TTC28: variants seen among roughly 807,000 people sequenced by gnomAD.
The protein encoded by TTC28 is tetratricopeptide repeat protein 28.
Under a neutral mutation model 198.0 loss-of-function variants are expected in TTC28, and 61 were observed. The observed-to-expected ratio is 0.31, with a 90% CI of 0.25 to 0.38. The LOEUF is 0.38. Among genes scored for constraint, TTC28 ranks in the 10% least tolerant of loss-of-function variants. The pLI is 1.00. For synonymous variants in TTC28, 1,171 were observed against 1,297.8 expected, an observed-to-expected ratio of 0.90 and a Z score of 2.10; for missense variants, 2,678 against 3,164.0, an observed-to-expected ratio of 0.85 and a Z score of 3.69.
At chr22:28,551,788 C>G (rs2049676819) in intron 2 of TTC28, among the ~76,000 whole-genome samples, 1 of 152,114 alleles carries the variant, frequency 6.6e-6, no homozygotes, top group South Asian at 2.1e-4. Context: ...ACAAAGAAAA[C>G]TTGAAAGCAT....
intron 5 of TTC28, among the ~76,000 whole-genome samples, chr22:28,185,892 G>A (rs1924149906): frequency 6.6e-6 from 1 of 152,070 alleles, no homozygotes; most frequent in Admixed American, 6.6e-5. Context: ...TTTAAATCCA[G>A]GCCTACCTGA....
intron 5 of TTC28, among the ~76,000 whole-genome samples, chr22:28,267,533 T>C (rs950814840): frequency 1.3e-5 from 2 of 152,204 alleles, no homozygotes; most frequent in African/African-American, 4.8e-5. Context: ...TTTGATCCTT[T>C]ACCTATGTCA....
At chr22:28,533,007 T>G (rs2049174612) in intron 2 of TTC28, among the ~76,000 whole-genome samples, 1 of 152,184 alleles carries the variant, frequency 6.6e-6, no homozygotes, top group African/African-American at 2.4e-5. Context: ...AAGACAGGGA[T>G]GCCCTCTCTC....
chr22:28,536,190 C>A (rs548902674), intron 2 of TTC28, among the ~76,000 whole-genome samples: 3 of 94,356 alleles, frequency 3.2e-5, no homozygotes, highest in South Asian at 8.4e-4. Context: ...CAGAGCGAGA[C>A]ACCGTCTCAA....
At chr22:28,589,882 A>G (rs1037427414) in intron 2 of TTC28, among the ~76,000 whole-genome samples, 1 of 151,788 alleles carries the variant, frequency 6.6e-6, no homozygotes, top group East Asian at 2.0e-4. Flanking sequence ...TACTAAAAAT[A>G]CAAAAATTAA....
chr22:28,107,694 T>C lies in TTC28; in HGVS notation c.2151A>G (p.Leu717=). ...LNNSQAKFRA[L]GNLGDIFICK... ...AGATGAATATATCGCCCAGGTTTCC[T>C]AGGGCTCGAAATTTAGCCTGGGAAT... The change falls in exon 7 of 23, where the codon CTA becomes CTG. Residue 717 remains leucine, a synonymous_variant. Transcript: ENST00000397906. 6.4e-7 allele frequency: 1 copy of C among 1,551,768 alleles called. No homozygotes were observed. Among genetic ancestry groups the C allele is most frequent in the South Asian group, 1.2e-5 (1 of 84,058 alleles).
At chr22:28,550,385 A>G (rs2049643413) in intron 2 of TTC28, among the ~76,000 whole-genome samples, 1 of 152,148 alleles carries the variant, frequency 6.6e-6, no homozygotes, top group African/African-American at 2.4e-5. Context: ...ACATCTCCTT[A>G]AAGACAAGAC....
intron 20 of TTC28, among the ~76,000 whole-genome samples, chr22:27,990,422 C>T (rs1937359903): frequency 6.6e-6 from 1 of 152,170 alleles, no homozygotes; most frequent in South Asian, 2.1e-4. Context: ...CCTCACAGCT[C>T]GAGGAATTAC....
intron 2 of TTC28, among the ~76,000 whole-genome samples, chr22:28,403,794 T>A (rs1030615494): frequency 7.2e-5 from 11 of 152,222 alleles, no homozygotes; most frequent in Non-Finnish European, 1.3e-4. Context: ...TTTCTTGCCA[T>A]CAAAGGTAAA....
chr22:28,205,552 A>G (rs1317744086), intron 5 of TTC28, among the ~76,000 whole-genome samples: 1 of 152,156 alleles, frequency 6.6e-6, no homozygotes, highest in Non-Finnish European at 1.5e-5. Context: ...TGAGATTAAC[A>G]TAGAAAAATG....
chr22:28,183,312 C>G (rs1923882831), intron 5 of TTC28, among the ~76,000 whole-genome samples: 1 of 152,114 alleles, frequency 6.6e-6, no homozygotes. Flanking sequence ...CTCACCTTAG[C>G]CTCCTGAGTA....
chr22:28,663,243 G>A (rs1435328070), intron 1 of TTC28, among the ~76,000 whole-genome samples: 20 of 142,924 alleles, frequency 1.4e-4, no homozygotes, highest in South Asian at 4.4e-4. Context: ...GCGAAACTCC[G>A]TCTCAAAAAA....
Position 28,107,305 on chromosome 22 carries a change from A to T in TTC28, c.2540T>A (p.Met847Lys). 1 of 1,551,744 alleles carries T rather than the reference A, an allele frequency of 6.4e-7. No homozygotes were observed. The highest frequency in any genetic ancestry group is 8.7e-7 in the Non-Finnish European group (1 of 1,147,008). Residue 847 changes from methionine to lysine, a missense_variant, in exon 7 of 23, where the codon ATG (methionine) becomes AAG (lysine). By Grantham distance (95) the Met-to-Lys change is moderately conservative (BLOSUM62 -1). Coordinates refer to ENST00000397906, the MANE Select transcript of TTC28 (RefSeq NM_001145418.2). The stretch of plus-strand genomic sequence containing the variant: ...GCCAATGGCTTCTTCCATCACATTC[A>T]TGTTCATCTTTGTGATGCCCATGTT... ...YGNMGITKMN[M>K]NVMEEAIGYF...
Position 28,107,257 on chromosome 22 carries a change from A to G in TTC28, c.2588T>C (p.Met863Thr), listed in dbSNP as rs1174128411. The change falls in exon 7 of 23, where the codon ATG becomes ACG. Residue 863 changes from methionine (M) to threonine (T), a missense_variant. Physicochemically the swap from Met to Thr is moderately conservative, Grantham distance 81 (BLOSUM62 -1). Around this residue, in one of 8 missense-constraint regions of TTC28, gnomAD observed 775 missense variants for 845.9 expected, o/e 0.92. Coordinates refer to ENST00000397906, the MANE Select transcript of TTC28 (RefSeq NM_001145418.2). Reference protein sequence around the residue: ...AIGYFEQQLAMLQQLSGNESV... With the variant: ...AIGYFEQQLATLQQLSGNESV... ...CTCATTTCCACTTAGCTGCTGCAGCATGGCCAATTGCTGCTCAAAGTAGCC... is the reference window on the plus strand; with the variant it reads ...CTCATTTCCACTTAGCTGCTGCAGCGTGGCCAATTGCTGCTCAAAGTAGCC... 6.4e-7 allele frequency: 1 copy of G among 1,551,674 alleles called. No individual in the cohort carries two copies. The highest frequency in any genetic ancestry group is 2.4e-5 in the East Asian group (1 of 40,940).
chr22:28,329,219 A>G (rs968142684), intron 2 of TTC28, among the ~76,000 whole-genome samples: 9 of 152,164 alleles, frequency 5.9e-5, no homozygotes, highest in African/African-American at 1.9e-4. Context: ...GTGTGTGCAT[A>G]TATATATACA....
chr22:28,381,082 G>A (rs2146024538), intron 2 of TTC28, among the ~76,000 whole-genome samples: 2 of 151,094 alleles, frequency 1.3e-5, no homozygotes, highest in Middle Eastern at 3.4e-3. Flanking sequence ...CAGTAGGGAG[G>A]CTGAACTAGA....
At chr22:28,069,925 A>ACAC (rs1940900295) in intron 12 of TTC28, among the ~76,000 whole-genome samples, 2 of 142,052 alleles carry the variant, frequency 1.4e-5, no homozygotes, top group Non-Finnish European at 3.1e-5. Flanking sequence ...AGGTTGTACA[A>ACAC]ACACACACAC....
intron 6 of TTC28, among the ~76,000 whole-genome samples, chr22:28,109,709 G>C (rs778355511): frequency 2.0e-4 from 31 of 152,210 alleles, no homozygotes; most frequent in Non-Finnish European, 3.5e-4. Flanking sequence ...GTCCATCCCA[G>C]TTGGGGCTAG....
chr22:28,440,218 A>G (rs539661826), intron 2 of TTC28, among the ~76,000 whole-genome samples: 1 of 152,314 alleles, frequency 6.6e-6, no homozygotes, highest in South Asian at 2.1e-4. Context: ...TAGGGCAATT[A>G]CATGGCTCTT....
Sources: gnomAD v4.1 joint callset for allele counts (sites outside exome capture counted in the v4.1 genomes callset) on GRCh38, gnomAD v4.1.1 for gene constraint, gnomAD v4.1.1 regional missense constraint, MANE v1.5 for transcripts, NCBI Gene and HGNC (gene_info 2026-07-23, HGNC 2026-07-21) for gene names.